The following ANK3 variants were observed in gnomAD, a reference collection of about 807,000 sequenced individuals.
ANK3 encodes ankyrin-3.
Under a neutral mutation model 370.9 loss-of-function variants are expected in ANK3, and 57 were observed. The observed-to-expected ratio is 0.15, with a 90% CI of 0.12 to 0.19. The LOEUF (loss-of-function observed/expected upper bound fraction) is 0.19. ANK3 is among the 10% of genes least tolerant of loss of function. ANK3 has a pLI of 1.00. For synonymous variants in ANK3, 1,929 were observed against 1,946.3 expected, an observed-to-expected ratio of 0.99 and a Z score of 0.23; for missense variants, 4,439 against 5,302.1, an observed-to-expected ratio of 0.84 and a Z score of 5.06.
intron 7 of ANK3, among the ~76,000 whole-genome samples, chr10:60,237,092 G>A (rs983287877): frequency 6.6e-6 from 1 of 152,254 alleles, no homozygotes; most frequent in African/African-American, 2.4e-5. Flanking sequence ...TTACAAAAGA[G>A]GAAGTGAAAC....
chr10:60,605,079 C>T (rs963950354), intron 2 of ANK3, among the ~76,000 whole-genome samples: 2 of 152,112 alleles, frequency 1.3e-5, no homozygotes, highest in African/African-American at 4.8e-5. Context: ...TGGCTGATTG[C>T]AGTCCCGTTC....
chr10:60,082,492 G>A, intron 34 of ANK3, 123 bp downstream of exon 34: 1 of 1,310,400 alleles, frequency 7.6e-7, no homozygotes, highest in Non-Finnish European at 1.0e-6. Flanking sequence ...TCTACACGAG[G>A]AGACTAATAC....
At position 60,294,656 on chromosome 10, in the gene ANK3, G is replaced by C. The variant is rs932472798; in HGVS notation, c.115-15017C>G. On this transcript the variant is annotated intron_variant, in intron 1 of 43. Transcript: ENST00000280772. Reference sequence around the variant, plus strand: ...AGGCCTTGCTGAAAATATAGCTAAAGAAGTTCTTATTTGAATGTATAAAAA... The same window carrying C: ...AGGCCTTGCTGAAAATATAGCTAAACAAGTTCTTATTTGAATGTATAAAAA... Among the ~76,000 whole-genome samples the C allele has an allele frequency of 5.3e-5, 8 of 152,132 alleles. No homozygotes were observed. The East Asian group carries it at 1.5e-3, about 29-fold the overall frequency.
intron 7 of ANK3, 43 bp downstream of exon 7, chr10:60,261,816 G>T: frequency 6.5e-7 from 1 of 1,549,926 alleles, no homozygotes; most frequent in Non-Finnish European, 8.9e-7. Flanking sequence ...GTATAAAATA[G>T]TTGCAAATGC....
chr10:60,056,745 C>T (rs908998803), intron 41 of ANK3, among the ~76,000 whole-genome samples: 8 of 151,992 alleles, frequency 5.3e-5, no homozygotes, highest in African/African-American at 1.9e-4. Context: ...AACTGCTGGC[C>T]GGACTCAGTG....
chr10:60,166,814 A>G lies in ANK3; in HGVS notation c.2551+10T>C, dbSNP rs952401022. 1.1e-5 allele frequency: 17 copies of G among 1,613,110 alleles called. No homozygotes were observed. Among genetic ancestry groups the G allele is most frequent in the Admixed American group, 1.7e-5 (1 of 59,976 alleles). On this transcript the variant is annotated intron_variant, in intron 22 of 43. Coordinates refer to ENST00000280772, the MANE Select transcript of ANK3 (RefSeq NM_020987.5). The stretch of plus-strand genomic sequence containing the variant: ...TATAATTATTGTGAACTCAAAGAAC[A>G]TTTTCATACCTTCATCATCAGACAT...
chr10:60,590,405 A>T (rs971114756), intron 2 of ANK3, among the ~76,000 whole-genome samples: 25 of 152,204 alleles, frequency 1.6e-4, no homozygotes, highest in Non-Finnish European at 3.5e-4. Context: ...ATTTCATCTC[A>T]TTCACTTTAC....
At chr10:60,664,210 G>A (rs1419882512) in intron 1 of ANK3, among the ~76,000 whole-genome samples, 1 of 152,224 alleles carries the variant, frequency 6.6e-6, no homozygotes, top group Non-Finnish European at 1.5e-5. Flanking sequence ...GAATAAAGAA[G>A]AAGAACTTAG....
intron 1 of ANK3, among the ~76,000 whole-genome samples, chr10:60,693,160 C>T (rs907678297): frequency 2.0e-5 from 3 of 152,166 alleles, no homozygotes; most frequent in African/African-American, 7.2e-5. Context: ...CCTGGAAAAT[C>T]GGGTCACTCC....
rs115778537 is a variant in ANK3 at position 60,573,922 on chromosome 10, T to C, written c.96+41264A>G. Among the ~76,000 whole-genome samples, 1,147 of 152,210 alleles carry C rather than the reference T, an allele frequency of 7.5e-3. 15 individuals carry two copies. Among genetic ancestry groups the C allele is most frequent in the African/African-American group, 0.026 (1,078 of 41,526 alleles). The stretch of plus-strand genomic sequence containing the variant: ...CATATCAGTTCCACACACAGTAACA[T>C]TGTTATTCAGGAGACATAGCATTCA... On this transcript the variant is annotated intron_variant, in intron 2 of 43. Coordinates refer to the ANK3 transcript ENST00000373827.
rs143913226 is a variant in ANK3 at position 60,247,934 on chromosome 10, T to C, written c.799-13148A>G. ...TGCCTGCCTCAGCCTCCCAAAGTGC[T>C]GGGATTACAGGCGTGAGCCACTGCG... On this transcript the variant is annotated intron_variant, in intron 7 of 43. Coordinates refer to ENST00000280772, the MANE Select transcript of ANK3 (RefSeq NM_020987.5). Among the ~76,000 whole-genome samples the C allele has an allele frequency of 3.5e-3, 535 of 152,340 alleles. 4 individuals are homozygous for C. The highest frequency in any genetic ancestry group is 0.011 in the African/African-American group (462 of 41,592).
intron 28 of ANK3, among the ~76,000 whole-genome samples, chr10:60,104,162 T>C (rs2091780410): frequency 6.6e-6 from 1 of 151,728 alleles, no homozygotes; most frequent in Non-Finnish European, 1.5e-5. Flanking sequence ...GAATAATTTG[T>C]ATAATAAACA....
At chr10:60,546,069 TC>T (rs2076957076) in intron 2 of ANK3, among the ~76,000 whole-genome samples, 1 of 152,116 alleles carries the variant, frequency 6.6e-6, no homozygotes, top group Admixed American at 6.6e-5. Context: ...AAGGTCTCAC[TC>T]TGTCACCCAG....
In ANK3 at chr10:60,389,421, A is replaced by T. The variant is rs1470349220; in HGVS notation, c.114+4T>A. 1 of 1,613,412 alleles carries T rather than the reference A, an allele frequency of 6.2e-7. No individual in the cohort carries two copies. Among genetic ancestry groups the T allele is most frequent in the Non-Finnish European group, 8.5e-7 (1 of 1,179,700 alleles). Reference sequence around the variant, plus strand: ...AAGATATATGCTCTGGCATACATAGATACCTTTTTCTTCCGATCCCGGGAC... The same window carrying T: ...AAGATATATGCTCTGGCATACATAGTTACCTTTTTCTTCCGATCCCGGGAC... On this transcript the variant is annotated splice_donor_region_variant and intron_variant, in intron 1 of 43. Coordinates refer to ENST00000280772, the MANE Select transcript of ANK3 (RefSeq NM_020987.5).
intron 1 of ANK3, among the ~76,000 whole-genome samples, chr10:60,324,124 C>A (rs72822284): frequency 6.6e-6 from 1 of 152,096 alleles, no homozygotes; most frequent in Non-Finnish European, 1.5e-5. Context: ...ATGGGAACCA[C>A]CCACTACAGA....
At chr10:60,486,898 C>T (rs2075363656) in intron 2 of ANK3, among the ~76,000 whole-genome samples, 1 of 152,088 alleles carries the variant, frequency 6.6e-6, no homozygotes, top group Admixed American at 6.6e-5. Context: ...GACTTTAATT[C>T]TTAAAAGTTA....
intron 1 of ANK3, among the ~76,000 whole-genome samples, chr10:60,633,818 C>T (rs1411417140): frequency 6.6e-6 from 1 of 152,186 alleles, no homozygotes; most frequent in Admixed American, 6.5e-5. Flanking sequence ...ATTGGGTTCT[C>T]TCTTTTTCTT....
At chr10:60,642,807 TATA>T (rs758910491) in intron 1 of ANK3, among the ~76,000 whole-genome samples, 91 of 152,174 alleles carry the variant, frequency 6.0e-4, no homozygotes, top group Non-Finnish European at 1.2e-3. Context: ...AGAGGCATTT[TATA>T]ATAAGGAGTT....
chr10:60,108,078 A>G (rs1351590109), intron 27 of ANK3: 1 of 283,480 alleles, frequency 3.5e-6, no homozygotes, highest in Non-Finnish European at 7.0e-6. Flanking sequence ...AAACTTAAAA[A>G]ATAAAAATAA....
Sources: gnomAD v4.1 joint callset for allele counts (sites outside exome capture counted in the v4.1 genomes callset) on GRCh38, gnomAD v4.1.1 for gene constraint, MANE v1.5 for transcripts, NCBI Gene and HGNC (gene_info 2026-07-23, HGNC 2026-07-21) for gene names.